CD69: variants seen among roughly 807,000 people sequenced by gnomAD.
The protein encoded by CD69 is early activation antigen CD69.
A neutral mutation model predicts 21.4 loss-of-function variants in CD69; 10 were observed. The observed-to-expected ratio is 0.47, with a 90% CI of 0.29 to 0.79. CD69 has a LOEUF of 0.79. Ranked by LOEUF, CD69 falls within the 30% of genes least tolerant of loss-of-function variation. The probability of loss-of-function intolerance (pLI) is 0.09; values close to 1 mark genes in which losing one functional copy is unlikely to be tolerated. For synonymous variants in CD69, 63 were observed against 78.2 expected (o/e 0.81, Z 1.03); for missense variants, 204 against 236.9 (o/e 0.86, Z 0.91).
chr12:9,755,176 G>A lies in CD69; in HGVS notation c.273C>T (p.Gly91=), dbSNP rs2121098543. 7 of 1,613,876 alleles carry A rather than the reference G, an allele frequency of 4.3e-6. No homozygotes were observed. In the South Asian group the frequency reaches 7.7e-5, roughly 18 times the overall value. ...AAATAAAGTAGCATTTCCTCTGGTA[G>A]CCAACCCAGTCCTCAGAGCATGAAG... The part of the protein sequence containing the change: ...HVSSCSEDWV[G]YQRKCYFIST... The change falls in exon 3 of 5, where the codon GGC becomes GGT. Residue 91 remains glycine, a synonymous_variant. Coordinates refer to ENST00000228434, the MANE Select transcript of CD69 (RefSeq NM_001781.2).
chr12:9,754,846 T>C, intron 3 of CD69, 156 bp from the exon 4 acceptor site: 1 of 691,320 alleles, frequency 1.4e-6, no homozygotes, highest in South Asian at 1.8e-5. Flanking sequence ...TTTCTGGTCT[T>C]TGAAGCTAAG....
rs117419783 is a variant in CD69, at chr12:9,753,550, T to C, written c.531A>G (p.Lys177=). 9,549 of 1,589,790 alleles carry C rather than the reference T, an allele frequency of 6.0e-3. 60 individuals are homozygous for C. Among genetic ancestry groups the C allele is most frequent in the South Asian group, 7.6e-3 (684 of 89,620 alleles). The change falls in exon 5 of 5, where the codon AAA becomes AAG. Residue 177 remains lysine, a synonymous_variant. Coordinates refer to ENST00000228434, the MANE Select transcript of CD69 (RefSeq NM_001781.2). ...VTGSDKCVFL[K]NTEVSSMECE... ...ATTCCATGCTGCTGACCTCTGTGTT[T>C]TTCAGAAAAACACACTTGTCAGACC...
intron 3 of CD69, 66 bp downstream of exon 3, chr12:9,754,996 G>A (rs772045271): frequency 2.8e-5 from 37 of 1,305,120 alleles, no homozygotes; most frequent in Middle Eastern, 1.9e-4. Context: ...ACTTAGAAAC[G>A]GAAGGAAAGC....
intron 1 of CD69, among the ~76,000 whole-genome samples, chr12:9,759,450 C>A (rs1221294316): frequency 6.6e-6 from 1 of 151,270 alleles, no homozygotes; most frequent in Non-Finnish European, 1.5e-5. Flanking sequence ...TGTATTAGGT[C>A]CTTCTTTCAC....
chr12:9,757,248 T>C (rs1866687181), intron 1 of CD69, among the ~76,000 whole-genome samples: 1 of 152,204 alleles, frequency 6.6e-6, no homozygotes, highest in Non-Finnish European at 1.5e-5. Context: ...AACAAAATTT[T>C]AAACGTGACA....
At chr12:9,756,981 G>C (rs1866685075) in intron 1 of CD69, among the ~76,000 whole-genome samples, 1 of 152,182 alleles carries the variant, frequency 6.6e-6, no homozygotes, top group South Asian at 2.1e-4. Flanking sequence ...TTGGGAGTCT[G>C]AAGTGGGAGG....
intron 1 of CD69, among the ~76,000 whole-genome samples, chr12:9,759,455 T>C (rs945028902): frequency 6.6e-6 from 1 of 151,338 alleles, no homozygotes; most frequent in African/African-American, 2.4e-5. Flanking sequence ...TAGGTCCTTC[T>C]TTCACCTATG....
rs1314834341 is a variant in CD69, at chr12:9,752,611, C to T, written c.*870G>A. 1 of 152,480 alleles carries T rather than the reference C, an allele frequency of 6.6e-6. No individual in the cohort carries two copies. The highest frequency in any genetic ancestry group is 2.4e-5 in the African/African-American group (1 of 41,392). 9.4% of individuals were successfully genotyped at this position (152,480 alleles called of 1,614,324 possible). On this transcript the variant is annotated 3_prime_UTR_variant, in exon 5 of 5. Coordinates refer to ENST00000228434, the MANE Select transcript of CD69 (RefSeq NM_001781.2). ...TTAAATGAAGTATTGAAGTATTGCA[C>T]GTAATAGAATTGATTTAGGAAAGTC... is the stretch of plus-strand genomic sequence containing the variant.
intron 3 of CD69, 147 bp from the exon 4 acceptor site, chr12:9,754,837 T>A (rs2121098033): frequency 1.4e-6 from 1 of 696,544 alleles, no homozygotes; most frequent in Admixed American, 2.6e-5. Context: ...ATATTTGGAT[T>A]TCTGGTCTTT....
chr12:9,760,305 G>A (rs932926029), intron 1 of CD69, among the ~76,000 whole-genome samples: 1 of 152,180 alleles, frequency 6.6e-6, no homozygotes, highest in Non-Finnish European at 1.5e-5. Context: ...AATTGCTTAT[G>A]TGGAAAACAG....
At chr12:9,758,861 C>T (rs1455634612) in intron 1 of CD69, among the ~76,000 whole-genome samples, 2 of 152,214 alleles carry the variant, frequency 1.3e-5, no homozygotes, top group East Asian at 3.8e-4. Flanking sequence ...AGCCCATCGG[C>T]TCAACGAGGG....
chr12:9,753,241 A>G lies in CD69; in HGVS notation c.*240T>C, dbSNP rs1866644132. On this transcript the variant is annotated 3_prime_UTR_variant, in exon 5 of 5. Coordinates refer to ENST00000228434, the MANE Select transcript of CD69 (RefSeq NM_001781.2). ...ATAGTCATTCTTCTCATTCTTGGGC[A>G]TGGTTATTGGTCAACCTGTGATGCT... is the stretch of plus-strand genomic sequence containing the variant. 3.4e-6 allele frequency: 1 copy of G among 290,938 alleles called. No individual in the cohort carries two copies. Among genetic ancestry groups the G allele is most frequent in the African/African-American group, 2.2e-5 (1 of 45,846 alleles). The allele number at this position is 290,938 out of a possible 1,614,324, so 18.0% of individuals were successfully genotyped here.
At chr12:9,760,710 A>AT (rs1270395418) in intron 1 of CD69, 47 bp downstream of exon 1, 2 of 1,316,752 alleles carry the variant, frequency 1.5e-6, no homozygotes, top group African/African-American at 2.9e-5. Flanking sequence ...TATTAATGTC[A>AT]TATATAGAGA....
rs1233211381 is a variant in CD69, at chr12:9,753,419, C to T, written c.*62G>A. On this transcript the variant is annotated 3_prime_UTR_variant, in exon 5 of 5. Coordinates refer to ENST00000228434, the MANE Select transcript of CD69 (RefSeq NM_001781.2). Reference sequence around the variant, plus strand: ...AGACTTCGGACCACAGAGCAGCATCCACTGACACAGATTTCCTTGAGTTCC... The same window carrying T: ...AGACTTCGGACCACAGAGCAGCATCTACTGACACAGATTTCCTTGAGTTCC... The T allele has an allele frequency of 2.8e-6, 2 of 704,170 alleles. No individual in the cohort carries two copies. Among genetic ancestry groups the T allele is most frequent in the Middle Eastern group, 4.0e-4 (1 of 2,494 alleles). The allele number at this position is 704,170 out of a possible 1,614,324, so 43.6% of individuals were successfully genotyped here. A position where few individuals can be genotyped will look rare whatever the true frequency, so the allele number is the denominator to read the frequency against.
intron 1 of CD69, among the ~76,000 whole-genome samples, chr12:9,757,116 A>G (rs1277486710): frequency 6.6e-6 from 1 of 152,050 alleles, no homozygotes; most frequent in Non-Finnish European, 1.5e-5. Flanking sequence ...AAATTCTAGC[A>G]TAATTCCTTA....
chr12:9,753,428 A>G lies in CD69; in HGVS notation c.*53T>C. ...ACCACAGAGCAGCATCCACTGACAC[A>G]GATTTCCTTGAGTTCCATTCTATAA... is the stretch of plus-strand genomic sequence containing the variant. On this transcript the variant is annotated 3_prime_UTR_variant, in exon 5 of 5. Transcript: ENST00000228434. 1 of 785,154 alleles carries G rather than the reference A, an allele frequency of 1.3e-6. No individual in the cohort carries two copies. Among genetic ancestry groups the G allele is most frequent in the Non-Finnish European group, 2.1e-6 (1 of 473,586 alleles). The allele number at this position is 785,154 out of a possible 1,614,324, so 48.6% of individuals were successfully genotyped here.
In CD69 at chr12:9,753,368, A is replaced by G; in HGVS notation, c.*113T>C. On this transcript the variant is annotated 3_prime_UTR_variant, in exon 5 of 5. Coordinates refer to ENST00000228434, the MANE Select transcript of CD69 (RefSeq NM_001781.2). ...AAGAAAATTCCCAAGACACTATAAA[A>G]TTTTTTTTCACAAAGTCTCTATGGA... is the stretch of plus-strand genomic sequence containing the variant. 2.2e-6 allele frequency: 1 copy of G among 450,392 alleles called. No individual in the cohort carries two copies. Among genetic ancestry groups the G allele is most frequent in the South Asian group, 4.9e-5 (1 of 20,372 alleles). The allele number at this position is 450,392 out of a possible 1,614,324, so 27.9% of individuals were successfully genotyped here.
At chr12:9,756,508 A>G (rs1026722535) in intron 1 of CD69, 89 bp from the exon 2 acceptor site, 4 of 1,050,034 alleles carry the variant, frequency 3.8e-6, no homozygotes, top group Admixed American at 2.8e-5. Flanking sequence ...TTTAAACTTA[A>G]TATTTCCTAT....
rs1164840105 is a variant in CD69, at chr12:9,756,813, A to AC, written c.65-395dup. ...AAAATTCTAGGGCATGGTGGCTCAC[A>AC]CCTGTAATCTCAGCATTTTGGGAGG... On this transcript the variant is annotated intron_variant, in intron 1 of 4. Coordinates refer to ENST00000228434, the MANE Select transcript of CD69 (RefSeq NM_001781.2). Among the ~76,000 whole-genome samples the AC allele has an allele frequency of 9.8e-5, 15 of 152,290 alleles. 1 individual carries two copies. The highest frequency in any genetic ancestry group is 3.4e-4 in the African/African-American group (14 of 41,560).
Sources: gnomAD v4.1 joint callset for allele counts (sites outside exome capture counted in the v4.1 genomes callset) on GRCh38, gnomAD v4.1.1 for gene constraint, MANE v1.5 for transcripts, NCBI Gene and HGNC (gene_info 2026-07-23, HGNC 2026-07-21) for gene names.